The following CDH2 variants were observed in gnomAD, a reference collection of about 807,000 sequenced individuals.
CDH2 encodes the protein cadherin-2.
In CDH2, 17 loss-of-function variants were observed where a neutral mutation model predicts 92.0. That is an observed-to-expected ratio of 0.18 (90% CI 0.13 to 0.28). The LOEUF (loss-of-function observed/expected upper bound fraction) is 0.28. CDH2 is among the 10% of genes least tolerant of loss of function. The pLI, the probability that CDH2 is intolerant of heterozygous loss-of-function variation, is 1.00. For missense variants in CDH2, 862 were observed against 1,133.1 expected (o/e 0.76, Z 3.44); for synonymous variants, 419 against 415.9 (o/e 1.01, Z -0.09).
At chr18:27,993,478 G>A (rs200714841) in intron 8 of CDH2, 22 bp downstream of exon 8, 6 of 1,605,936 alleles carry the variant, frequency 3.7e-6, no homozygotes, top group Non-Finnish European at 5.1e-6. Flanking sequence ...CCAAAGTTGT[G>A]TGAGTGACAG....
chr18:28,003,640 T>C (rs1009738019), intron 6 of CDH2, among the ~76,000 whole-genome samples: 4 of 152,222 alleles, frequency 2.6e-5, no homozygotes, highest in African/African-American at 9.6e-5. Flanking sequence ...ATGTAGGCTG[T>C]GTGCAGAAAG....
intron 2 of CDH2, among the ~76,000 whole-genome samples, chr18:28,037,310 C>A (rs554710526): frequency 7.8e-4 from 119 of 152,246 alleles, no homozygotes; most frequent in African/African-American, 2.7e-3. Context: ...CTTCTTCTCC[C>A]AGATTTTTAC....
At chr18:27,984,842 C>A (rs2012172277) in intron 13 of CDH2, among the ~76,000 whole-genome samples, 158 bp downstream of exon 13, 1 of 152,162 alleles carries the variant, frequency 6.6e-6, no homozygotes, top group Non-Finnish European at 1.5e-5. Flanking sequence ...TTTTTTCATT[C>A]TAAAGTGGAC....
intron 2 of CDH2, among the ~76,000 whole-genome samples, chr18:28,134,421 G>C (rs753541804): frequency 2.4e-4 from 36 of 152,034 alleles, no homozygotes; most frequent in Non-Finnish European, 3.8e-4. Context: ...AAAAAAAAAT[G>C]TTGAGCAGCT....
intron 2 of CDH2, among the ~76,000 whole-genome samples, chr18:28,112,901 C>T (rs758764643): frequency 5.3e-5 from 8 of 151,850 alleles, no homozygotes; most frequent in Non-Finnish European, 7.4e-5. Context: ...ACAGCAGAGA[C>T]AACACAGAAA....
In CDH2 at chr18:28,165,115, C is replaced by G. The variant is rs186299497; in HGVS notation, c.60+11848G>C. Among the ~76,000 whole-genome samples, 4 of 152,306 alleles carry G rather than the reference C, an allele frequency of 2.6e-5. 1 individual carries two copies. Among genetic ancestry groups the G allele is most frequent in the Admixed American group, 2.6e-4 (4 of 15,294 alleles). ...TGTCTGTGTAAAACAATGGTAATGA[C>G]CAGGTCCCAAAATCTTCAAATAAAT... On this transcript the variant is annotated intron_variant, in intron 1 of 15. Coordinates refer to ENST00000269141, the MANE Select transcript of CDH2 (RefSeq NM_001792.5).
intron 14 of CDH2, among the ~76,000 whole-genome samples, chr18:27,965,083 TATC>T (rs1209695692): frequency 5.9e-5 from 9 of 152,356 alleles, no homozygotes; most frequent in African/African-American, 1.9e-4. Flanking sequence ...AAAAATGTTT[TATC>T]ATCATCTCTT....
chr18:28,075,992 CT>C (rs1373747753), intron 2 of CDH2, among the ~76,000 whole-genome samples: 1 of 152,112 alleles, frequency 6.6e-6, no homozygotes, highest in Non-Finnish European at 1.5e-5. Flanking sequence ...ATCATACGAG[CT>C]GTTGTTATTT....
chr18:27,990,840 G>C (rs1257196201), intron 9 of CDH2, among the ~76,000 whole-genome samples: 2 of 152,088 alleles, frequency 1.3e-5, no homozygotes, highest in Non-Finnish European at 1.5e-5. Flanking sequence ...AAACTTATTT[G>C]ATTTAAAAGT....
intron 2 of CDH2, among the ~76,000 whole-genome samples, chr18:28,063,018 A>G (rs962238211): frequency 1.8e-4 from 28 of 152,180 alleles, no homozygotes; most frequent in South Asian, 4.1e-4. Flanking sequence ...CAAACTGTTA[A>G]AACTATGTTA....
chr18:28,132,173 C>G (rs1307906561), intron 2 of CDH2, among the ~76,000 whole-genome samples: 1 of 152,190 alleles, frequency 6.6e-6, no homozygotes, highest in African/African-American at 2.4e-5. Flanking sequence ...ATGCAGTCTG[C>G]GCTCACATCC....
Position 28,090,059 on chromosome 18 carries a change from C to T in CDH2, c.172+57614G>A, listed in dbSNP as rs138764514. Among the ~76,000 whole-genome samples the T allele has an allele frequency of 1.6e-3, 242 of 152,310 alleles. 1 individual carries two copies. The highest frequency in any genetic ancestry group is 4.0e-3 in the Admixed American group (61 of 15,298). ...AAAAATTATTGGATGCCACAGATGT[C>T]AAAGAACTTGGAGATCAATTAGTCT... On this transcript the variant is annotated intron_variant, in intron 2 of 15. Coordinates refer to ENST00000269141, the MANE Select transcript of CDH2 (RefSeq NM_001792.5).
intron 2 of CDH2, among the ~76,000 whole-genome samples, chr18:28,090,287 C>A (rs150777189): frequency 2.8e-4 from 43 of 152,240 alleles, no homozygotes; most frequent in Middle Eastern, 3.4e-3. Context: ...TCAATAACAT[C>A]TAAATTAATT....
intron 2 of CDH2, among the ~76,000 whole-genome samples, chr18:28,016,379 G>T (rs1041572994): frequency 6.6e-6 from 1 of 152,056 alleles, no homozygotes; most frequent in Non-Finnish European, 1.5e-5. Context: ...CAAAAAGTAG[G>T]AAACAGATGG....
rs771423706 is a variant in CDH2, at chr18:27,992,786, C to T, written c.1213G>A (p.Val405Met). The T allele has an allele frequency of 6.2e-7, 1 of 1,613,964 alleles. No individual in the cohort carries two copies. The highest frequency in any genetic ancestry group is 1.3e-5 in the African/African-American group (1 of 75,026). ...RVDIIVANLT[V>M]TDKDQPHTPA... ...GTATGGGGTTGATCCTTATCGGTCA[C>T]AGTTAGATTAGCTACTATGATGTCT... The change falls in exon 9 of 16, where the codon GTG becomes ATG. Residue 405 changes from valine (V) to methionine (M), a missense_variant. Physicochemically the swap from Val to Met is conservative, Grantham distance 21. This residue lies in a region of CDH2 where 564 missense variants were observed against 722.2 expected (regional missense o/e 0.78). Coordinates refer to ENST00000269141, the MANE Select transcript of CDH2 (RefSeq NM_001792.5).
chr18:28,095,538 C>G (rs12185349), intron 2 of CDH2, among the ~76,000 whole-genome samples: 32,097 of 152,042 alleles, frequency 0.21, 4,139 homozygotes, highest in Non-Finnish European at 0.3. Flanking sequence ...TAATTACAGG[C>G]TGGGTGTGGT....
chr18:28,160,814 G>A (rs889059339), intron 1 of CDH2, among the ~76,000 whole-genome samples: 1 of 152,140 alleles, frequency 6.6e-6, no homozygotes, highest in Non-Finnish European at 1.5e-5. Context: ...CCCAACTGGG[G>A]AGAGGCTCCC....
At chr18:28,126,902 T>C (rs1427019183) in intron 2 of CDH2, among the ~76,000 whole-genome samples, 3 of 152,022 alleles carry the variant, frequency 2.0e-5, no homozygotes, top group Non-Finnish European at 2.9e-5. Context: ...TGTGATCACA[T>C]GGTGCAGCCG....
At chr18:27,966,413 C>T (rs2011535729) in intron 14 of CDH2, among the ~76,000 whole-genome samples, 1 of 152,140 alleles carries the variant, frequency 6.6e-6, no homozygotes, top group Non-Finnish European at 1.5e-5. Context: ...ATAAAAGAGG[C>T]ATGTGGGCTT....
Sources: allele counts gnomAD v4.1 joint callset (sites outside exome capture counted in the v4.1 genomes callset), GRCh38; gene constraint gnomAD v4.1.1; regional missense constraint gnomAD v4.1.1; transcripts MANE v1.5; gene names NCBI Gene and HGNC (gene_info 2026-07-23, HGNC 2026-07-21).